The following BBX variants were observed in gnomAD, a reference collection of about 807,000 sequenced individuals.
The protein encoded by BBX is HMG box transcription factor BBX.
A neutral mutation model predicts 100.2 loss-of-function variants in BBX; 30 were observed. That is an observed-to-expected ratio of 0.30 (90% confidence interval 0.22 to 0.41). BBX has a LOEUF of 0.41. BBX is among the 10% of genes least tolerant of loss of function. The probability of loss-of-function intolerance (pLI) is 1.00; values close to 1 mark genes in which losing one functional copy is unlikely to be tolerated. For missense variants in BBX, 1,023 were observed against 1,129.8 expected (o/e 0.91, Z 1.35); for synonymous variants, 376 against 388.1 (o/e 0.97, Z 0.37).
intron 3 of BBX, among the ~76,000 whole-genome samples, chr3:107,692,273 C>T (rs1358457529): frequency 2.0e-5 from 3 of 151,534 alleles, no homozygotes; most frequent in Admixed American, 2.0e-4. Flanking sequence ...TATACATGTG[C>T]CATGCTGGTG....
chr3:107,725,746 C>T (rs2062879240), intron 5 of BBX, among the ~76,000 whole-genome samples: 1 of 151,958 alleles, frequency 6.6e-6, no homozygotes. Flanking sequence ...AGGGATCCAG[C>T]ATTTACCAAG....
At chr3:107,691,144 C>T (rs978631062) in intron 3 of BBX, among the ~76,000 whole-genome samples, 2 of 151,842 alleles carry the variant, frequency 1.3e-5, no homozygotes, top group Non-Finnish European at 1.5e-5. Context: ...TAGGCTCAAA[C>T]GATTACTCCT....
chr3:107,538,622 T>A (rs1488663971), intron 2 of BBX, among the ~76,000 whole-genome samples: 1 of 152,176 alleles, frequency 6.6e-6, no homozygotes, highest in African/African-American at 2.4e-5. Flanking sequence ...ATGCCTCATA[T>A]TTATTTTTAA....
Position 107,773,774 on chromosome 3 carries a change from A to G in BBX, c.1915+138A>G. 2.5e-6 allele frequency: 2 copies of G among 796,056 alleles called. No homozygotes were observed. The highest frequency in any genetic ancestry group is 3.8e-6 in the Non-Finnish European group (2 of 522,636). The allele number at this position is 796,056 out of a possible 1,614,324, so 49.3% of individuals were successfully genotyped here. A position where few individuals can be genotyped will look rare whatever the true frequency, so the allele number is the denominator to read the frequency against. On this transcript the variant is annotated intron_variant, in intron 11 of 17. Coordinates refer to ENST00000325805, the MANE Select transcript of BBX (RefSeq NM_001142568.3). This position sits in a 1 kb window ranked among gnomAD's most constrained non-coding sequence, Gnocchi z 4.1. The stretch of plus-strand genomic sequence containing the variant: ...ACATTTGTATATTTCTTTATGGTTT[A>G]TAGATCATAATTATTTGTTACTTTA...
At chr3:107,569,578 C>T (rs1371056285) in intron 2 of BBX, among the ~76,000 whole-genome samples, 3 of 152,022 alleles carry the variant, frequency 2.0e-5, no homozygotes, top group Non-Finnish European at 4.4e-5. Context: ...TAGGAATAGT[C>T]AGGGAAGCAG....
chr3:107,720,492 A>G (rs1032702935), intron 5 of BBX, among the ~76,000 whole-genome samples: 1 of 151,964 alleles, frequency 6.6e-6, no homozygotes, highest in Non-Finnish European at 1.5e-5. Context: ...ACTGAAATCA[A>G]TTTCAGGAAC....
intron 7 of BBX, among the ~76,000 whole-genome samples, chr3:107,737,385 A>G (rs781656342): frequency 3.3e-5 from 5 of 151,926 alleles, no homozygotes; most frequent in Non-Finnish European, 7.4e-5. Context: ...TACTATCTTT[A>G]TCATCAGGTG....
intron 3 of BBX, among the ~76,000 whole-genome samples, chr3:107,693,696 C>G (rs2060356241): frequency 6.6e-6 from 1 of 151,676 alleles, no homozygotes; most frequent in Non-Finnish European, 1.5e-5. Context: ...TTTTTTGGTT[C>G]CATATGAACT....
chr3:107,729,584 A>G (rs912420716), intron 6 of BBX, among the ~76,000 whole-genome samples: 1 of 152,176 alleles, frequency 6.6e-6, no homozygotes, highest in Admixed American at 6.5e-5. Context: ...CCATGAAATA[A>G]AGTACTTATA....
At position 107,807,529 on chromosome 3, in the gene BBX, C is replaced by T. The variant is rs1274944747; in HGVS notation, c.*2072C>T. 1.3e-5 allele frequency: 2 copies of T among 151,946 alleles called. No homozygotes were observed. Among genetic ancestry groups the T allele is most frequent in the African/African-American group, 4.8e-5 (2 of 41,376 alleles). The allele number at this position is 151,946 out of a possible 1,614,324, so 9.4% of individuals were successfully genotyped here. ...GATTATAATTAGCTAAAATCCAAAA[C>T]AAAAAACCAACAACAAAAATTGTAT... On this transcript the variant is annotated 3_prime_UTR_variant, in exon 18 of 18. Transcript: ENST00000325805.
intron 2 of BBX, among the ~76,000 whole-genome samples, chr3:107,551,480 G>A (rs1408251585): frequency 3.9e-5 from 6 of 152,136 alleles, no homozygotes; most frequent in African/African-American, 1.2e-4. Context: ...AGCATTCTTC[G>A]GAAAAACCGT....
At chr3:107,592,360 C>CAA (rs398052177) in intron 2 of BBX, among the ~76,000 whole-genome samples, 28,690 of 74,490 alleles carry the variant, frequency 0.39, 6,432 homozygotes, top group East Asian at 0.91. Flanking sequence ...GACCCTGTCT[C>CAA]AAAAAAAAAA....
chr3:107,703,106 A>G (rs2061183198), intron 3 of BBX, among the ~76,000 whole-genome samples: 1 of 152,208 alleles, frequency 6.6e-6, no homozygotes, highest in South Asian at 2.1e-4. Context: ...TGTGATCATT[A>G]TGTCCTAGCC....
chr3:107,593,833 G>A (rs907775286), intron 2 of BBX, among the ~76,000 whole-genome samples: 1 of 152,228 alleles, frequency 6.6e-6, no homozygotes, highest in African/African-American at 2.4e-5. Context: ...TTATACGGAA[G>A]CTGTAGAGGA....
At chr3:107,669,780 A>G (rs2107911765) in intron 3 of BBX, among the ~76,000 whole-genome samples, 1 of 152,238 alleles carries the variant, frequency 6.6e-6, no homozygotes, top group Non-Finnish European at 1.5e-5. Flanking sequence ...ATCTGTTTCC[A>G]TTGTCACCAT....
intron 3 of BBX, among the ~76,000 whole-genome samples, chr3:107,659,200 A>G (rs569009023): frequency 6.6e-6 from 1 of 151,884 alleles, no homozygotes; most frequent in African/African-American, 2.4e-5. Flanking sequence ...TTATTATGAA[A>G]CTCACATACT....
At chr3:107,766,288 A>G (rs1180497911) in intron 10 of BBX, among the ~76,000 whole-genome samples, 4 of 152,218 alleles carry the variant, frequency 2.6e-5, no homozygotes, top group African/African-American at 9.6e-5. Context: ...TTTGTAAAAG[A>G]ATATAAATCT....
intron 1 of BBX, among the ~76,000 whole-genome samples, chr3:107,525,698 C>A (rs2047714781): frequency 1.3e-5 from 2 of 152,184 alleles, no homozygotes; most frequent in South Asian, 2.1e-4. Flanking sequence ...CTAGCTCCCC[C>A]CACCCCGACC....
intron 3 of BBX, among the ~76,000 whole-genome samples, chr3:107,692,275 A>G (rs966267850): frequency 5.3e-5 from 8 of 151,868 alleles, no homozygotes; most frequent in Admixed American, 2.6e-4. Context: ...TACATGTGCC[A>G]TGCTGGTGCG....
Sources: gnomAD v4.1 joint callset for allele counts (sites outside exome capture counted in the v4.1 genomes callset) on GRCh38, gnomAD v4.1.1 for gene constraint, Gnocchi (gnomAD v3.1) non-coding constraint, MANE v1.5 for transcripts, NCBI Gene and HGNC (gene_info 2026-07-23, HGNC 2026-07-21) for gene names.